CHRM3: variants seen among roughly 807,000 people sequenced by gnomAD.
CHRM3 encodes muscarinic acetylcholine receptor M3.
CHRM3 carries 11 observed loss-of-function variants against 41.8 expected under a neutral mutation model. The ratio of observed to expected loss-of-function variants is 0.26; its 90% CI spans 0.17 to 0.44. The LOEUF (loss-of-function observed/expected upper bound fraction) is 0.44. Among genes scored for constraint, CHRM3 ranks in the 20% least tolerant of loss-of-function variants. The pLI is 1.00. For missense variants in CHRM3, 571 were observed against 745.4 expected, an observed-to-expected ratio of 0.77 and a Z score of 2.72; for synonymous variants, 297 against 301.4, an observed-to-expected ratio of 0.99 and a Z score of 0.15.
intron 5 of CHRM3, among the ~76,000 whole-genome samples, chr1:239,749,944 CGGCTT>C (rs1665673627): frequency 6.6e-6 from 1 of 152,186 alleles, no homozygotes; most frequent in Non-Finnish European, 1.5e-5. Context: ...AATAATACCA[CGGCTT>C]TGAATCTCAG....
At position 239,910,274 on chromosome 1, in the gene CHRM3, A is replaced by T. The variant is rs1464454514; in HGVS notation, c.*1050A>T. 5 of 166,314 alleles carry T rather than the reference A, an allele frequency of 3.0e-5. No homozygotes were observed. The highest frequency in any genetic ancestry group is 7.3e-5 in the African/African-American group (3 of 41,286). The allele number at this position is 166,314 out of a possible 1,614,324, so 10.3% of individuals were successfully genotyped here. On this transcript the variant is annotated 3_prime_UTR_variant, in exon 7 of 7. Coordinates refer to ENST00000676153, the MANE Select transcript of CHRM3 (RefSeq NM_001375978.1). ...TATCTAAACTGCTTGAAACTCAATA[A>T]TAGTGTCACGTTTGAATGTCATACA...
At chr1:239,396,651 T>G (rs542505844) in intron 1 of CHRM3, among the ~76,000 whole-genome samples, 1 of 152,240 alleles carries the variant, frequency 6.6e-6, no homozygotes, top group African/African-American at 2.4e-5. Context: ...GTTTGTCTCC[T>G]TATAAAAGTA....
intron 5 of CHRM3, among the ~76,000 whole-genome samples, chr1:239,809,312 A>G (rs1054016329): frequency 1.7e-4 from 25 of 151,084 alleles, no homozygotes; most frequent in African/African-American, 5.8e-4. Context: ...GAGCCACCGC[A>G]CCCGGCCTCT....
intron 4 of CHRM3, among the ~76,000 whole-genome samples, chr1:239,633,004 G>A (rs568597031): frequency 1.3e-5 from 2 of 152,170 alleles, no homozygotes; most frequent in African/African-American, 4.8e-5. Flanking sequence ...ACGGAGTCTC[G>A]CTCTGTCACC....
At chr1:239,614,672 C>T (rs1393547474) in intron 3 of CHRM3, among the ~76,000 whole-genome samples, 3 of 152,184 alleles carry the variant, frequency 2.0e-5, no homozygotes, top group Non-Finnish European at 2.9e-5. Context: ...AAGTTCCTAA[C>T]TCCATTCTTT....
intron 5 of CHRM3, among the ~76,000 whole-genome samples, chr1:239,778,932 G>C (rs895240904): frequency 1.3e-5 from 2 of 152,176 alleles, no homozygotes; most frequent in Non-Finnish European, 2.9e-5. Context: ...AAGGTGCTAT[G>C]TGATTGTTTC....
At chr1:239,660,120 T>C (rs1032090953) in intron 4 of CHRM3, among the ~76,000 whole-genome samples, 1 of 152,120 alleles carries the variant, frequency 6.6e-6, no homozygotes, top group Non-Finnish European at 1.5e-5. Context: ...GCCATCATGC[T>C]TGCACTGGCT....
intron 5 of CHRM3, among the ~76,000 whole-genome samples, chr1:239,826,632 G>T (rs988735057): frequency 3.7e-4 from 57 of 152,280 alleles, no homozygotes; most frequent in African/African-American, 1.3e-3. Flanking sequence ...AAAAGCTACA[G>T]AGTTAATATG....
At chr1:239,884,116 A>C (rs1357775395) in intron 6 of CHRM3, among the ~76,000 whole-genome samples, 1 of 152,234 alleles carries the variant, frequency 6.6e-6, no homozygotes, top group African/African-American at 2.4e-5. Context: ...TCACCCAAAA[A>C]GATACGACCA....
chr1:239,500,688 A>G (rs560296375), intron 2 of CHRM3, among the ~76,000 whole-genome samples: 1 of 150,952 alleles, frequency 6.6e-6, no homozygotes, highest in South Asian at 2.1e-4. Context: ...ACAAAAATAC[A>G]TGTTAAAAAG....
chr1:239,846,626 C>T (rs900816248), intron 6 of CHRM3, among the ~76,000 whole-genome samples: 2 of 152,118 alleles, frequency 1.3e-5, no homozygotes, highest in African/African-American at 2.4e-5. Context: ...TATAAATCAG[C>T]GTTTCCCGAA....
intron 5 of CHRM3, among the ~76,000 whole-genome samples, chr1:239,737,188 A>G (rs972788498): frequency 2.0e-5 from 3 of 152,190 alleles, no homozygotes; most frequent in Non-Finnish European, 4.4e-5. Context: ...TCATCAGGGC[A>G]TATTTATTAG....
chr1:239,570,490 G>T, intron 3 of CHRM3, among the ~76,000 whole-genome samples: 1 of 152,170 alleles, frequency 6.6e-6, no homozygotes, highest in East Asian at 1.9e-4. Flanking sequence ...AGCTGTGATA[G>T]ATATGGAAAA....
At chr1:239,406,941 T>C (rs968325287) in intron 1 of CHRM3, among the ~76,000 whole-genome samples, 1 of 152,204 alleles carries the variant, frequency 6.6e-6, no homozygotes, top group African/African-American at 2.4e-5. Flanking sequence ...CCAAATCTTT[T>C]TGGAGAGATA....
chr1:239,627,587 C>T (rs1669124380), intron 3 of CHRM3, among the ~76,000 whole-genome samples: 1 of 132,332 alleles, frequency 7.6e-6, no homozygotes, highest in African/African-American at 3.0e-5. Flanking sequence ...GATGCAGTTT[C>T]TTCCTAGTCT....
intron 3 of CHRM3, among the ~76,000 whole-genome samples, chr1:239,602,238 C>T (rs1301798301): frequency 6.6e-6 from 1 of 151,378 alleles, no homozygotes; most frequent in Non-Finnish European, 1.5e-5. Context: ...AGGTTCACGC[C>T]CGTCTTCCGC....
At chr1:239,658,339 G>A (rs892384164) in intron 4 of CHRM3, among the ~76,000 whole-genome samples, 9 of 152,168 alleles carry the variant, frequency 5.9e-5, no homozygotes, top group African/African-American at 2.2e-4. Flanking sequence ...TGAATAGTGG[G>A]TTTGTGATGG....
chr1:239,784,644 G>T (rs1399324454), intron 5 of CHRM3, among the ~76,000 whole-genome samples: 1 of 152,118 alleles, frequency 6.6e-6, no homozygotes, highest in Non-Finnish European at 1.5e-5. Flanking sequence ...AATGTTATAT[G>T]TTAGATTACT....
intron 5 of CHRM3, among the ~76,000 whole-genome samples, chr1:239,758,128 C>T (rs1666391480): frequency 6.6e-6 from 1 of 152,126 alleles, no homozygotes; most frequent in South Asian, 2.1e-4. Flanking sequence ...CCTAAAACTG[C>T]CCATTGAGGC....
Sources: gnomAD v4.1 joint callset for allele counts (sites outside exome capture counted in the v4.1 genomes callset) on GRCh38, gnomAD v4.1.1 for gene constraint, MANE v1.5 for transcripts, NCBI Gene and HGNC (gene_info 2026-07-23, HGNC 2026-07-21) for gene names.